The following EYA1 variants were observed in gnomAD, a reference collection of about 807,000 sequenced individuals.
The protein encoded by EYA1 is EYA transcriptional coactivator and phosphatase 1, also known as protein phosphatase EYA1.
Under a neutral mutation model 82.0 loss-of-function variants are expected in EYA1, and 16 were observed. That is an observed-to-expected ratio of 0.20 (90% CI 0.13 to 0.30). EYA1 has a LOEUF of 0.30. Among genes scored for constraint, EYA1 ranks in the 10% least tolerant of loss-of-function variants. The pLI is 1.00. For missense variants in EYA1, 633 were observed against 730.7 expected (o/e 0.87, Z 1.54); for synonymous variants, 261 against 264.4 (o/e 0.99, Z 0.12).
In EYA1 at chr8:71,215,456, C is replaced by T. The variant is rs1180421427; in HGVS notation, c.1528G>A (p.Ala510Thr). 1.9e-6 allele frequency: 3 copies of T among 1,613,380 alleles called. No homozygotes were observed. The highest frequency in any genetic ancestry group is 2.7e-5 in the African/African-American group (2 of 75,032). The change falls in exon 16 of 18, where the codon GCG (alanine) becomes ACG (threonine). Residue 510 changes from alanine to threonine, a missense_variant. Physicochemically the swap from Ala to Thr is moderately conservative, Grantham distance 58 (BLOSUM62 0). Transcript: ENST00000340726. ...CCTAACCCATACAGCAGGACTTTCGCCAATGCTGGGATGAGCTGAGTAGTT... is the reference window on the plus strand; with the variant it reads ...CCTAACCCATACAGCAGGACTTTCGTCAATGCTGGGATGAGCTGAGTAGTT... ...VTTTQLIPALAKVLLYGLGIV... is the reference protein window; with the variant it reads ...VTTTQLIPALTKVLLYGLGIV...
intron 9 of EYA1, among the ~76,000 whole-genome samples, chr8:71,283,624 C>T (rs896958922): frequency 6.6e-6 from 1 of 152,006 alleles, no homozygotes; most frequent in African/African-American, 2.4e-5. Flanking sequence ...GTCTGTTTAG[C>T]CTCTCTCTTG....
At chr8:71,527,184 G>A (rs1241744525) in intron 2 of EYA1, among the ~76,000 whole-genome samples, 1 of 152,144 alleles carries the variant, frequency 6.6e-6, no homozygotes, top group Non-Finnish European at 1.5e-5. Context: ...ATATAGAAAT[G>A]TATCACACTA....
intron 11 of EYA1, among the ~76,000 whole-genome samples, chr8:71,254,252 A>G (rs1814121026): frequency 6.7e-6 from 1 of 149,346 alleles, no homozygotes; most frequent in South Asian, 2.1e-4. Flanking sequence ...CCAAAAAAAA[A>G]AAAAAAAAAA....
intron 9 of EYA1, among the ~76,000 whole-genome samples, chr8:71,286,598 A>G (rs974057292): frequency 6.6e-6 from 1 of 152,112 alleles, no homozygotes; most frequent in African/African-American, 2.4e-5. Context: ...AGCTGTGCTG[A>G]GAATAGAAAT....
At chr8:71,346,448 A>ATATATATATATATATATATT (rs1554561621) in intron 3 of EYA1, among the ~76,000 whole-genome samples, 1 of 135,300 alleles carries the variant, frequency 7.4e-6, no homozygotes, top group Non-Finnish European at 1.5e-5. Context: ...ATATATATAT[A>ATATATATATATATATATATT]TATATATCTA....
intron 9 of EYA1, among the ~76,000 whole-genome samples, chr8:71,297,436 A>C (rs1819714470): frequency 6.6e-6 from 1 of 152,050 alleles, no homozygotes; most frequent in South Asian, 2.1e-4. Flanking sequence ...TTTACAATGT[A>C]GTATTCACAG....
intron 9 of EYA1, among the ~76,000 whole-genome samples, chr8:71,276,669 G>C (rs1249679939): frequency 6.6e-6 from 1 of 152,122 alleles, no homozygotes; most frequent in South Asian, 2.1e-4. Flanking sequence ...TTCCAGGATC[G>C]ATAGGCTCGT....
At chr8:71,310,653 C>T (rs1034839827) in intron 7 of EYA1, among the ~76,000 whole-genome samples, 1 of 152,144 alleles carries the variant, frequency 6.6e-6, no homozygotes, top group Non-Finnish European at 1.5e-5. Flanking sequence ...TTTTCTTTAT[C>T]CAGTTTACCA....
intron 12 of EYA1, among the ~76,000 whole-genome samples, chr8:71,233,363 G>T (rs1365556106): frequency 6.6e-6 from 1 of 151,978 alleles, no homozygotes; most frequent in Admixed American, 6.6e-5. Flanking sequence ...AGGAGATCGA[G>T]ACCATCCTGG....
intron 9 of EYA1, among the ~76,000 whole-genome samples, chr8:71,287,586 T>G (rs1385149528): frequency 1.3e-5 from 2 of 152,220 alleles, no homozygotes; most frequent in Non-Finnish European, 2.9e-5. Context: ...TTCTTACACA[T>G]TTCAACCACT....
At chr8:71,323,437 A>G (rs1822808863) in intron 4 of EYA1, among the ~76,000 whole-genome samples, 1 of 152,212 alleles carries the variant, frequency 6.6e-6, no homozygotes, top group African/African-American at 2.4e-5. Context: ...ACACTGGTAC[A>G]TTAATGTTTC....
intron 2 of EYA1, among the ~76,000 whole-genome samples, chr8:71,427,468 T>G (rs1267404411): frequency 6.6e-6 from 1 of 152,150 alleles, no homozygotes. Context: ...TTAAGGAAAG[T>G]CCATTCAGAG....
At chr8:71,508,237 C>A (rs962470592) in intron 2 of EYA1, among the ~76,000 whole-genome samples, 2 of 152,148 alleles carry the variant, frequency 1.3e-5, no homozygotes, top group African/African-American at 2.4e-5. Flanking sequence ...TGTAAGTATA[C>A]AGAACTCACC....
intron 2 of EYA1, among the ~76,000 whole-genome samples, chr8:71,475,267 T>C (rs1809567557): frequency 6.6e-6 from 1 of 152,194 alleles, no homozygotes; most frequent in African/African-American, 2.4e-5. Flanking sequence ...TAGATAAATA[T>C]ACGTGCATGA....
At chr8:71,207,156 T>A (rs568648788) in intron 17 of EYA1, among the ~76,000 whole-genome samples, 5 of 152,332 alleles carry the variant, frequency 3.3e-5, no homozygotes, top group African/African-American at 1.2e-4. Flanking sequence ...AAAAATGAGA[T>A]GTTGTTGAAC....
At chr8:71,349,509 A>C (rs1206450301) in intron 3 of EYA1, among the ~76,000 whole-genome samples, 1 of 152,262 alleles carries the variant, frequency 6.6e-6, no homozygotes, top group African/African-American at 2.4e-5. Context: ...ACTAATTACA[A>C]GCCATGTGCC....
At chr8:71,455,128 C>A (rs1232316070) in intron 2 of EYA1, among the ~76,000 whole-genome samples, 2 of 152,148 alleles carry the variant, frequency 1.3e-5, no homozygotes, top group East Asian at 1.9e-4. Context: ...ACTATAAATA[C>A]CTCTACACAA....
At chr8:71,429,486 A>G (rs1805474852) in intron 2 of EYA1, among the ~76,000 whole-genome samples, 1 of 152,166 alleles carries the variant, frequency 6.6e-6, no homozygotes, top group Non-Finnish European at 1.5e-5. Context: ...CCTTGATAAT[A>G]AGAGAAATAT....
At chr8:71,493,790 G>T (rs557811814) in intron 2 of EYA1, among the ~76,000 whole-genome samples, 2 of 150,866 alleles carry the variant, frequency 1.3e-5, no homozygotes, top group Non-Finnish European at 3.0e-5. Context: ...TTGGGAGGCC[G>T]AGGCGGGCGG....
Sources: allele counts gnomAD v4.1 joint callset (sites outside exome capture counted in the v4.1 genomes callset), GRCh38; gene constraint gnomAD v4.1.1; transcripts MANE v1.5; gene names NCBI Gene and HGNC (gene_info 2026-07-23, HGNC 2026-07-21).